Variants in PTBP3 observed in about 807,000 individuals in gnomAD.
PTBP3 encodes the protein polypyrimidine tract binding protein 3, also known as polypyrimidine tract-binding protein 3.
Under a neutral mutation model 58.7 loss-of-function variants are expected in PTBP3, and 20 were observed. That is an observed-to-expected ratio of 0.34 (90% CI 0.24 to 0.50). PTBP3 has a LOEUF of 0.50. Ranked by LOEUF, PTBP3 falls within the 20% of genes least tolerant of loss-of-function variation. PTBP3 has a pLI of 0.98. For synonymous variants in PTBP3, 185 were observed against 219.8 expected (o/e 0.84, Z 1.40); for missense variants, 509 against 637.2 (o/e 0.80, Z 2.17).
chr9:112,355,999 TTTTC>T, the PTBP3 span, among the ~76,000 whole-genome samples: 4 of 151,866 alleles, frequency 2.6e-5, no homozygotes, highest in Middle Eastern at 0.01. Flanking sequence ...TTTCTCTTTC[TTTTC>T]TTTCCTTCCT....
chr9:112,289,543 G>A (rs1035695469), intron 2 of PTBP3, among the ~76,000 whole-genome samples: 5 of 152,180 alleles, frequency 3.3e-5, no homozygotes, highest in African/African-American at 7.2e-5. Context: ...CACTTTGGGA[G>A]GCCAAGGCAG....
the PTBP3 span, among the ~76,000 whole-genome samples, chr9:112,348,448 A>G: frequency 6.6e-6 from 1 of 152,244 alleles, no homozygotes; most frequent in African/African-American, 2.4e-5. Flanking sequence ...TTCTCTACCA[A>G]CAATGAACTG....
chr9:112,291,537 G>C (rs1473691336), intron 2 of PTBP3, among the ~76,000 whole-genome samples: 1 of 152,166 alleles, frequency 6.6e-6, no homozygotes, highest in Non-Finnish European at 1.5e-5. Flanking sequence ...CAATGGAACA[G>C]ATTAGAGAAC....
At chr9:112,379,872 G>T in the PTBP3 span, 52 of 546,454 alleles carry the variant, frequency 9.5e-5, 1 homozygote, top group South Asian at 9.8e-4. Context: ...GATTGTCACC[G>T]TACGACCAGT....
intron 2 of PTBP3, among the ~76,000 whole-genome samples, chr9:112,284,529 C>A (rs567250511): frequency 6.6e-6 from 1 of 152,216 alleles, no homozygotes; most frequent in African/African-American, 2.4e-5. Context: ...AACCCCAAGT[C>A]TGCTAATAGC....
rs76087863 is a variant in PTBP3 at position 112,317,647 on chromosome 9, G to A, written c.-52+15823C>T. ...ACTACAGATCCTACAACATTAAAAGGATAGTAAGAAAACATTATGGGCCGG... is the reference window on the plus strand; with the variant it reads ...ACTACAGATCCTACAACATTAAAAGAATAGTAAGAAAACATTATGGGCCGG... On this transcript the variant is annotated intron_variant, in intron 1 of 13. Transcript: ENST00000374257. Among the ~76,000 whole-genome samples the A allele has an allele frequency of 2.6e-4, 39 of 152,176 alleles. No individual in the cohort carries two copies. The East Asian group carries it at 7.3e-3, about 29-fold the overall frequency.
the PTBP3 span, chr9:112,379,845 G>GT: frequency 1.9e-6 from 1 of 514,770 alleles, no homozygotes; most frequent in South Asian, 2.4e-5. Flanking sequence ...CCAGACGCTA[G>GT]GCGCCGACAG....
At chr9:112,267,480 A>G (rs1295661171) in intron 4 of PTBP3, among the ~76,000 whole-genome samples, 1 of 152,172 alleles carries the variant, frequency 6.6e-6, no homozygotes, top group Non-Finnish European at 1.5e-5. Flanking sequence ...TTTGTGTATA[A>G]AGATTTTCTG....
intron 5 of PTBP3, among the ~76,000 whole-genome samples, chr9:112,262,155 C>T (rs187888731): frequency 3.3e-5 from 5 of 152,170 alleles, no homozygotes; most frequent in Admixed American, 1.3e-4. Context: ...ACAACTACTA[C>T]CTGGACTTTT....
Position 112,220,329 on chromosome 9 carries a change from G to A in PTBP3, c.*3522C>T. ...GCCTGTAATCCCAGCACTGTGGGGA[G>A]GTGGAAGCAGGAGAATCACTTGAGC... On this transcript the variant is annotated 3_prime_UTR_variant, in exon 14 of 14. Coordinates refer to ENST00000374257, the MANE Select transcript of PTBP3 (RefSeq NM_001163788.4). 1 of 1,294,268 alleles carries A rather than the reference G, an allele frequency of 7.7e-7. No individual in the cohort carries two copies. The allele number at this position is 1,294,268 out of a possible 1,614,324, so 80.2% of individuals were successfully genotyped here.
intron 7 of PTBP3, among the ~76,000 whole-genome samples, chr9:112,245,867 A>G (rs1322281751): frequency 6.6e-6 from 1 of 152,218 alleles, no homozygotes; most frequent in Non-Finnish European, 1.5e-5. Context: ...TGTAGAATAA[A>G]ATAAGAATCT....
upstream of PTBP3, among the ~76,000 whole-genome samples, chr9:112,335,754 A>G (rs1490608248): frequency 5.5e-5 from 8 of 145,772 alleles, no homozygotes. Context: ...GAAACCCCCC[A>G]TCTCTACTAA....
At chr9:112,301,521 T>G (rs181940168) in intron 1 of PTBP3, among the ~76,000 whole-genome samples, 228 of 152,056 alleles carry the variant, frequency 1.5e-3, no homozygotes, top group Non-Finnish European at 1.5e-3. Flanking sequence ...ATATGCTCTA[T>G]GATTTCACCT....
At position 112,326,200 on chromosome 9, in the gene PTBP3, T is replaced by G. The variant is rs113589916; in HGVS notation, c.-52+7270A>C. On this transcript the variant is annotated intron_variant, in intron 1 of 13. Coordinates refer to ENST00000374257, the MANE Select transcript of PTBP3 (RefSeq NM_001163788.4). ...TTTACTGAATTGTACCCTTAAGACA[T>G]GTGCATTTCATTCTATGTAAATTAC... Among the ~76,000 whole-genome samples the G allele has an allele frequency of 2.0e-3, 301 of 152,136 alleles. 1 individual carries two copies. The highest frequency in any genetic ancestry group is 3.5e-3 in the Non-Finnish European group (235 of 68,028).
At chr9:112,327,999 A>C (rs766006376) in intron 1 of PTBP3, among the ~76,000 whole-genome samples, 1 of 152,234 alleles carries the variant, frequency 6.6e-6, no homozygotes, top group African/African-American at 2.4e-5. Flanking sequence ...TGAATCACTT[A>C]ATCTCTAAAA....
At chr9:112,262,674 A>G in intron 4 of PTBP3, 75 bp from the exon 5 acceptor site, 1 of 1,339,670 alleles carries the variant, frequency 7.5e-7, no homozygotes, top group Non-Finnish European at 9.8e-7. Flanking sequence ...AGTTGACATA[A>G]AACAGTATGA....
intron 4 of PTBP3, among the ~76,000 whole-genome samples, chr9:112,267,294 T>C (rs910081037): frequency 2.6e-4 from 39 of 151,804 alleles, no homozygotes; most frequent in Admixed American, 2.2e-3. Flanking sequence ...GCCTCCTGAG[T>C]AGCTGGGACT....
At chr9:112,347,947 A>C in the PTBP3 span, among the ~76,000 whole-genome samples, 1,172 of 152,350 alleles carry the variant, frequency 7.7e-3, 20 homozygotes, top group African/African-American at 0.027. Flanking sequence ...AGTATTATGC[A>C]CACACATATC....
At chr9:112,351,360 A>G in the PTBP3 span, among the ~76,000 whole-genome samples, 1 of 152,186 alleles carries the variant, frequency 6.6e-6, no homozygotes, top group Non-Finnish European at 1.5e-5. Flanking sequence ...TTTGGGAGAA[A>G]GACTACAGAG....
Sources: gnomAD v4.1 joint callset for allele counts (sites outside exome capture counted in the v4.1 genomes callset) on GRCh38, gnomAD v4.1.1 for gene constraint, MANE v1.5 for transcripts, NCBI Gene and HGNC (gene_info 2026-07-23, HGNC 2026-07-21) for gene names.